Variants in SVOP observed in about 807,000 individuals in gnomAD.
SVOP encodes synaptic vesicle 2-related protein.
In SVOP, 17 loss-of-function variants were observed where a neutral mutation model predicts 69.1. The observed-to-expected ratio is 0.25, with a 90% CI of 0.17 to 0.37. The LOEUF is 0.37. SVOP is among the 10% of genes least tolerant of loss of function. SVOP has a pLI of 1.00. For synonymous variants in SVOP, 238 were observed against 238.6 expected, an observed-to-expected ratio of 1.00 and a Z score of 0.02; for missense variants, 435 against 597.5, an observed-to-expected ratio of 0.73 and a Z score of 2.84.
rs770032274 is a variant in SVOP at position 108,977,530 on chromosome 12, A to T, written c.283-34T>A. On this transcript the variant is annotated intron_variant, in intron 3 of 15. Transcript: ENST00000610966. ...AGGACGGAGACATCATGAGGCCAGG[A>T]TGCTGCTTGGTGCTGGGGAAGGCTG... 1.0e-5 allele frequency: 15 copies of T among 1,453,158 alleles called. No homozygotes were observed. In the South Asian group the frequency reaches 1.6e-4, roughly 15 times the overall value. The allele number at this position is 1,453,158 out of a possible 1,614,324, so 90.0% of individuals were successfully genotyped here.
intron 11 of SVOP, among the ~76,000 whole-genome samples, chr12:108,929,062 T>C (rs1403262589): frequency 1.3e-5 from 2 of 152,198 alleles, no homozygotes; most frequent in Non-Finnish European, 2.9e-5. Context: ...TCTACGACTC[T>C]CCACTGTTCA....
chr12:108,937,507 C>T (rs529956822), intron 9 of SVOP, among the ~76,000 whole-genome samples, 170 bp from the exon 10 acceptor site: 1 of 152,114 alleles, frequency 6.6e-6, no homozygotes, highest in Non-Finnish European at 1.5e-5. Flanking sequence ...GCCTCCCAGC[C>T]CCTCCAGCCA....
chr12:108,946,407 T>C (rs147404521), intron 6 of SVOP, among the ~76,000 whole-genome samples: 2,468 of 152,174 alleles, frequency 0.016, 30 homozygotes, highest in Middle Eastern at 0.082. Context: ...GCCCCGCAAA[T>C]GGTATTTTTT....
At chr12:108,985,426 C>T (rs2040161481) in intron 1 of SVOP, among the ~76,000 whole-genome samples, 1 of 152,122 alleles carries the variant, frequency 6.6e-6, no homozygotes, top group East Asian at 1.9e-4. Flanking sequence ...AATCTCCACA[C>T]TTTGGGAGGC....
chr12:109,003,668 G>C (rs560631221), intron 1 of SVOP, among the ~76,000 whole-genome samples: 1 of 152,068 alleles, frequency 6.6e-6, no homozygotes, highest in Non-Finnish European at 1.5e-5. Context: ...GAGTGCAGTC[G>C]TGCAATAAAG....
chr12:108,962,673 G>C (rs2040024133), intron 5 of SVOP, among the ~76,000 whole-genome samples: 1 of 152,136 alleles, frequency 6.6e-6, no homozygotes, highest in South Asian at 2.1e-4. Flanking sequence ...AATGCTTCAA[G>C]ACAAACATGG....
chr12:108,978,564 C>G lies in SVOP; in HGVS notation c.282+14G>C, dbSNP rs759804608. The G allele has an allele frequency of 2.8e-6, 2 of 703,084 alleles. No individual in the cohort carries two copies. The highest frequency in any genetic ancestry group is 5.2e-6 in the Non-Finnish European group (2 of 384,586). 43.6% of individuals were successfully genotyped at this position (703,084 alleles called of 1,614,324 possible). A position where few individuals can be genotyped will look rare whatever the true frequency, so the allele number is the denominator to read the frequency against. The stretch of plus-strand genomic sequence containing the variant: ...TTCTTGGAGGCTGAGCCACTGCCCC[C>G]CAGAAATACTTGCCCAAGCCAAGCC... On this transcript the variant is annotated intron_variant, in intron 3 of 15. Coordinates refer to ENST00000610966, the MANE Select transcript of SVOP (RefSeq NM_018711.5).
At chr12:108,921,497 A>G (rs1251018463) in intron 12 of SVOP, among the ~76,000 whole-genome samples, 2 of 152,156 alleles carry the variant, frequency 1.3e-5, no homozygotes, top group African/African-American at 4.8e-5. Context: ...GGTGGGTATC[A>G]AGCAGTTGCC....
Position 108,997,771 on chromosome 12 carries a change from TAACA to T in SVOP, c.36-14014_36-14011del, listed in dbSNP as rs1326945698. ...GGGTCCTGTCTGTTAGAAGGAAAACTAACAAACAGAAAGGACATTCACACCAAAA... is the reference window on the plus strand; with the variant it reads ...GGGTCCTGTCTGTTAGAAGGAAAACTAACAGAAAGGACATTCACACCAAAA... On this transcript the variant is annotated intron_variant, in intron 1 of 15. Coordinates refer to ENST00000610966, the MANE Select transcript of SVOP (RefSeq NM_018711.5). Among the ~76,000 whole-genome samples, 3 of 151,518 alleles carry T rather than the reference TAACA, an allele frequency of 2.0e-5. No individual in the cohort carries two copies. The East Asian group carries it at 5.8e-4, about 29-fold the overall frequency.
At chr12:109,020,488 T>C (rs2040390822) in intron 1 of SVOP, among the ~76,000 whole-genome samples, 1 of 152,204 alleles carries the variant, frequency 6.6e-6, no homozygotes, top group Non-Finnish European at 1.5e-5. Flanking sequence ...TTGCATAGAC[T>C]CACCAATTCT....
chr12:108,977,399 G>A lies in SVOP; in HGVS notation c.380C>T (p.Ser127Leu), dbSNP rs1165218313. The A allele has an allele frequency of 1.3e-6, 2 of 1,537,012 alleles. No homozygotes were observed. The highest frequency in any genetic ancestry group is 2.0e-5 in the Admixed American group (1 of 51,002). Residue 127 changes from serine (S) to leucine (L), a missense_variant and splice_region_variant, in exon 4 of 16, where the codon TCG (serine) becomes TTG (leucine). Ser to Leu is a moderately radical substitution (Grantham distance 145, BLOSUM62 -2). Coordinates refer to ENST00000610966, the MANE Select transcript of SVOP (RefSeq NM_018711.5). ...LPSWQVALLT[S>L]VVFVGMMSSS... ...GAAGGGAGCTGCTGGGCTGCCTACC[G>A]AGGTCAGCAATGCCACCTGCCAGCT...
chr12:108,912,403 A>G lies in SVOP; in HGVS notation c.*132T>C. The G allele has an allele frequency of 1.3e-6, 2 of 1,523,212 alleles. No homozygotes were observed. The highest frequency in any genetic ancestry group is 1.8e-6 in the Non-Finnish European group (2 of 1,139,116). 94.4% of individuals were successfully genotyped at this position (1,523,212 alleles called of 1,614,324 possible). A position where few individuals can be genotyped will look rare whatever the true frequency, so the allele number is the denominator to read the frequency against. On this transcript the variant is annotated 3_prime_UTR_variant, in exon 16 of 16. Transcript: ENST00000610966. ...GATGAGCAAACTGAGTCAAGACACA[A>G]AACCCTGTTGGTCCAGGTCATACTC... is the stretch of plus-strand genomic sequence containing the variant.
intron 6 of SVOP, among the ~76,000 whole-genome samples, chr12:108,948,207 T>C (rs2039935546): frequency 6.6e-6 from 1 of 152,212 alleles, no homozygotes; most frequent in African/African-American, 2.4e-5. Context: ...ACCACATCCT[T>C]GTGAACTTCT....
chr12:108,955,125 C>G (rs938710148), intron 6 of SVOP, among the ~76,000 whole-genome samples: 136 of 152,348 alleles, frequency 8.9e-4, no homozygotes, highest in African/African-American at 3.1e-3. Context: ...CCATCTTGAA[C>G]AAGAATTTCT....
intron 8 of SVOP, among the ~76,000 whole-genome samples, chr12:108,940,276 G>A (rs896071358): frequency 2.0e-5 from 3 of 152,302 alleles, no homozygotes; most frequent in Admixed American, 1.3e-4. Context: ...CCTACTGGCT[G>A]TAAAGTGTTT....
intron 6 of SVOP, among the ~76,000 whole-genome samples, chr12:108,957,146 G>C (rs528292825): frequency 2.6e-4 from 40 of 152,166 alleles, no homozygotes; most frequent in Non-Finnish European, 5.3e-4. Context: ...GCTTCCACAG[G>C]AGACACAGCA....
intron 1 of SVOP, among the ~76,000 whole-genome samples, chr12:108,984,909 T>C (rs1260517819): frequency 6.6e-6 from 1 of 152,134 alleles, no homozygotes; most frequent in Non-Finnish European, 1.5e-5. Flanking sequence ...TATCACAGCT[T>C]TGAGTCCTCA....
At chr12:109,003,079 TA>T in intron 1 of SVOP, among the ~76,000 whole-genome samples, 1 of 152,248 alleles carries the variant, frequency 6.6e-6, no homozygotes, top group Middle Eastern at 3.4e-3. Context: ...ATCTGCATTT[TA>T]ACCAGTCTCC....
At chr12:108,968,224 G>A (rs1371835792) in intron 5 of SVOP, among the ~76,000 whole-genome samples, 1 of 152,220 alleles carries the variant, frequency 6.6e-6, no homozygotes, top group African/African-American at 2.4e-5. Flanking sequence ...TATTGAGTGT[G>A]CACTCTCAAC....
Sources: gnomAD v4.1 joint callset for allele counts (sites outside exome capture counted in the v4.1 genomes callset) on GRCh38, gnomAD v4.1.1 for gene constraint, MANE v1.5 for transcripts, NCBI Gene and HGNC (gene_info 2026-07-23, HGNC 2026-07-21) for gene names.